Variants in AXDND1 observed in about 807,000 individuals in gnomAD.
The protein encoded by AXDND1 is axonemal dynein light chain domain-containing protein 1.
A neutral mutation model predicts 137.5 loss-of-function variants in AXDND1; 110 were observed. That is an observed-to-expected ratio of 0.80 (90% CI 0.69 to 0.94). AXDND1 has a LOEUF of 0.94. Ranked by LOEUF, AXDND1 falls within the 40% of genes least tolerant of loss-of-function variation. The pLI is 0.00. For missense variants in AXDND1, 1,191 were observed against 1,169.8 expected, an observed-to-expected ratio of 1.02 and a Z score of -0.26; for synonymous variants, 414 against 399.7, an observed-to-expected ratio of 1.04 and a Z score of -0.43.
intron 15 of AXDND1, among the ~76,000 whole-genome samples, chr1:179,442,613 C>T (rs1659146161): frequency 6.6e-6 from 1 of 152,136 alleles, no homozygotes; most frequent in South Asian, 2.1e-4. Context: ...AATTCTGCTC[C>T]ATGTTACCCT....
At chr1:179,373,214 C>T (rs1023189865) in intron 4 of AXDND1, among the ~76,000 whole-genome samples, 11 of 152,160 alleles carry the variant, frequency 7.2e-5, no homozygotes, top group African/African-American at 2.4e-4. Context: ...CATGAGTGAA[C>T]TCCCATTCAC....
chr1:179,494,876 T>A (rs1374903676), intron 20 of AXDND1, among the ~76,000 whole-genome samples: 1 of 152,232 alleles, frequency 6.6e-6, no homozygotes, highest in Non-Finnish European at 1.5e-5. Flanking sequence ...TGAGTTAACT[T>A]TTAAAAATAT....
chr1:179,482,458 G>A (rs546213856), intron 17 of AXDND1, among the ~76,000 whole-genome samples: 4 of 152,230 alleles, frequency 2.6e-5, no homozygotes. Flanking sequence ...GCTGGAGGCA[G>A]TATAAAAATC....
intron 21 of AXDND1, among the ~76,000 whole-genome samples, chr1:179,511,393 GGTGTGTGT>G (rs59772845): frequency 6.9e-6 from 1 of 145,076 alleles, no homozygotes; most frequent in Admixed American, 7.0e-5. Flanking sequence ...TGGTATATGG[GGTGTGTGT>G]GTGTGTGTGT....
chr1:179,492,429 A>G (rs1667011732), intron 19 of AXDND1, among the ~76,000 whole-genome samples: 1 of 115,352 alleles, frequency 8.7e-6, no homozygotes. Flanking sequence ...TTCTTTTTAC[A>G]AAATGGAAGA....
At chr1:179,543,375 A>G (rs1384953785) in intron 25 of AXDND1, 1 of 152,210 alleles carries the variant, frequency 6.6e-6, no homozygotes, top group Non-Finnish European at 1.5e-5. Flanking sequence ...CACTAACAGT[A>G]ATACAAAGTG....
Position 179,366,615 on chromosome 1 carries a change from C to G in AXDND1, c.97+9C>G. ...CAAGGAAGGGACAAGAGGTAAACTT[C>G]GTTGATTCTGAAGTCATAAACAGTC... On this transcript the variant is annotated intron_variant, in intron 2 of 25. Coordinates refer to ENST00000367618, the MANE Select transcript of AXDND1 (RefSeq NM_144696.6). 2 of 1,594,992 alleles carry G rather than the reference C, an allele frequency of 1.3e-6. No individual in the cohort carries two copies. The highest frequency in any genetic ancestry group is 8.6e-7 in the Non-Finnish European group (1 of 1,162,886).
At chr1:179,404,795 C>T (rs1356345686) in intron 11 of AXDND1, among the ~76,000 whole-genome samples, 1 of 152,066 alleles carries the variant, frequency 6.6e-6, no homozygotes, top group Non-Finnish European at 1.5e-5. Flanking sequence ...AGAATTCCCT[C>T]CTCTTCAATT....
At chr1:179,404,224 C>CTTTT (rs71111990) in intron 11 of AXDND1, among the ~76,000 whole-genome samples, 1 of 136,680 alleles carries the variant, frequency 7.3e-6, no homozygotes, top group Non-Finnish European at 1.6e-5. Context: ...TTTTCTTTGT[C>CTTTT]TTTTTTTTTT....
chr1:179,384,396 G>A (rs1648874400), intron 8 of AXDND1, among the ~76,000 whole-genome samples: 1 of 152,042 alleles, frequency 6.6e-6, no homozygotes, highest in African/African-American at 2.4e-5. Flanking sequence ...TAGTTATCAG[G>A]AAATTTAATG....
intron 12 of AXDND1, among the ~76,000 whole-genome samples, chr1:179,424,572 C>T (rs1277033828): frequency 6.6e-6 from 1 of 151,798 alleles, no homozygotes; most frequent in African/African-American, 2.4e-5. Flanking sequence ...GGATTACAGG[C>T]ACGTGCCACC....
At chr1:179,429,645 G>A (rs371197402) in intron 13 of AXDND1, 26 bp downstream of exon 13, 18 of 1,409,598 alleles carry the variant, frequency 1.3e-5, no homozygotes, top group African/African-American at 1.2e-4. Flanking sequence ...CTTCAGTTAT[G>A]GGAAAAAAAG....
chr1:179,510,196 C>CT (rs776926912), intron 21 of AXDND1, among the ~76,000 whole-genome samples: 17 of 152,090 alleles, frequency 1.1e-4, no homozygotes, highest in Non-Finnish European at 2.2e-4. Context: ...TACACACTAC[C>CT]TATTACTGTG....
chr1:179,500,358 T>C (rs1667877282), intron 20 of AXDND1, among the ~76,000 whole-genome samples: 2 of 151,178 alleles, frequency 1.3e-5, no homozygotes, highest in South Asian at 2.1e-4. Context: ...TGTGTGTGTG[T>C]GTGTGTGTGT....
chr1:179,513,696 CT>C (rs1669260235), intron 21 of AXDND1, among the ~76,000 whole-genome samples: 4 of 150,854 alleles, frequency 2.7e-5, no homozygotes, highest in East Asian at 3.9e-4. Context: ...TGGTCCTGGA[CT>C]TTTTTTTTGT....
At position 179,394,025 on chromosome 1, in the gene AXDND1, T is replaced by C. The variant is rs1361972596; in HGVS notation, c.986T>C (p.Val329Ala). Residue 329 changes from valine (V) to alanine (A), a missense_variant, in exon 10 of 26, where the codon GTT becomes GCT. By Grantham distance (64) the Val-to-Ala change is moderately conservative (BLOSUM62 0). Transcript: ENST00000367618. Reference sequence around the variant, plus strand: ...GAAGAATTGTATAATTTCAAGCATGTTATTGAAGAACTGACCAGGTAAAAA... The same window carrying C: ...GAAGAATTGTATAATTTCAAGCATGCTATTGAAGAACTGACCAGGTAAAAA... ...ILEELYNFKH[V>A]IEELTRELCL... The C allele has an allele frequency of 1.9e-6, 3 of 1,606,306 alleles. No individual in the cohort carries two copies. The highest frequency in any genetic ancestry group is 2.5e-6 in the Non-Finnish European group (3 of 1,177,242).
intron 11 of AXDND1, among the ~76,000 whole-genome samples, chr1:179,403,338 C>G (rs143104867): frequency 2.6e-5 from 4 of 152,304 alleles, no homozygotes; most frequent in African/African-American, 7.2e-5. Flanking sequence ...AGACCTGAAT[C>G]TACAGTACAT....
At chr1:179,451,387 T>C (rs1030209682) in intron 16 of AXDND1, 1 of 152,182 alleles carries the variant, frequency 6.6e-6, no homozygotes, top group Non-Finnish European at 1.5e-5. Flanking sequence ...TCTCCACAGT[T>C]GGTAGTAATG....
chr1:179,498,811 C>T (rs1265979146), intron 20 of AXDND1, among the ~76,000 whole-genome samples: 1 of 151,900 alleles, frequency 6.6e-6, no homozygotes, highest in African/African-American at 2.4e-5. Context: ...CAGTGGCCAA[C>T]AAACATATGA....
Sources: allele counts gnomAD v4.1 joint callset (sites outside exome capture counted in the v4.1 genomes callset), GRCh38; gene constraint gnomAD v4.1.1; transcripts MANE v1.5; gene names NCBI Gene and HGNC (gene_info 2026-07-23, HGNC 2026-07-21).